CFH: variants seen among roughly 807,000 people sequenced by gnomAD.
CFH encodes H factor 1 (complement).
Under a neutral mutation model 147.3 loss-of-function variants are expected in CFH, and 53 were observed. The observed-to-expected ratio is 0.36, with a 90% CI of 0.29 to 0.45. The LOEUF (loss-of-function observed/expected upper bound fraction) is 0.45, where lower values mean the gene tolerates loss of function less well. Ranked by LOEUF, CFH falls within the 20% of genes least tolerant of loss-of-function variation. The pLI is 1.00. For synonymous variants in CFH, 536 were observed against 489.4 expected, an observed-to-expected ratio of 1.10 and a Z score of -1.26; for missense variants, 1,380 against 1,498.0, an observed-to-expected ratio of 0.92 and a Z score of 1.30.
intron 9 of CFH, among the ~76,000 whole-genome samples, chr1:196,698,672 T>A (rs1668360124): frequency 6.6e-6 from 1 of 152,116 alleles, no homozygotes; most frequent in Admixed American, 6.6e-5. Context: ...ACCATTCCTT[T>A]GGAAACTATT....
At chr1:196,698,122 A>T (rs7539005) in intron 9 of CFH, among the ~76,000 whole-genome samples, 98,141 of 151,794 alleles carry the variant, frequency 0.65, 32,176 homozygotes, top group East Asian at 0.95. Flanking sequence ...ACCTGCACGT[A>T]GTGCACATGT....
At chr1:196,735,919 C>T (rs1055244816) in intron 15 of CFH, among the ~76,000 whole-genome samples, 1 of 151,956 alleles carries the variant, frequency 6.6e-6, no homozygotes, top group Non-Finnish European at 1.5e-5. Context: ...CACTTAAAAT[C>T]ATTGCCATGA....
intron 4 of CFH, 142 bp from the exon 5 acceptor site, chr1:196,677,334 C>A: frequency 2.8e-6 from 2 of 708,798 alleles, no homozygotes; most frequent in South Asian, 1.8e-5. Flanking sequence ...GTATCTCTAG[C>A]AAACAGGTAT....
Position 196,726,749 on chromosome 1 carries a change from A to G in CFH, c.2057-12A>G. ...GTTTTCACAATAAACTTTTTTTGTA[A>G]AATTTACATAGTGGAGGAGAGTACC... On this transcript the variant is annotated splice_polypyrimidine_tract_variant and intron_variant, in intron 13 of 21. Transcript: ENST00000367429. 6.2e-7 allele frequency: 1 copy of G among 1,613,648 alleles called. No homozygotes were observed. Among genetic ancestry groups the G allele is most frequent in the Non-Finnish European group, 8.5e-7 (1 of 1,179,702 alleles).
At chr1:196,737,439 T>A in intron 16 of CFH, 36 bp from the exon 17 acceptor site, 2 of 1,414,626 alleles carry the variant, frequency 1.4e-6, no homozygotes, top group African/African-American at 1.4e-5. Context: ...AGTATTTTAT[T>A]TGTTTTTAAC....
In CFH at chr1:196,689,408, T is replaced by G. The variant is rs1209054258; in HGVS notation, c.965-12T>G. On this transcript the variant is annotated splice_polypyrimidine_tract_variant and intron_variant, in intron 7 of 21. Transcript: ENST00000367429. ...AATTTCTTTATACTTTTTTTAAAAT[T>G]TTTATTGCAAGTGAAACCTTGTGAT... 1 of 1,610,718 alleles carries G rather than the reference T, an allele frequency of 6.2e-7. No homozygotes were observed. The highest frequency in any genetic ancestry group is 2.2e-5 in the East Asian group (1 of 44,702).
rs763773248 is a variant in CFH at position 196,673,845 on chromosome 1, T to C, written c.245-12T>C. 1.9e-6 allele frequency: 3 copies of C among 1,573,450 alleles called. No individual in the cohort carries two copies. Among genetic ancestry groups the C allele is most frequent in the Non-Finnish European group, 2.6e-6 (3 of 1,143,258 alleles). On this transcript the variant is annotated splice_polypyrimidine_tract_variant and intron_variant, in intron 2 of 21. Transcript: ENST00000367429. ...ATTACATACTAATTCATAACTTTTT[T>C]TTTCGTTTTAGAAAGGCCCTGTGGA...
At chr1:196,706,998 T>C (rs1668605862) in intron 9 of CFH, among the ~76,000 whole-genome samples, 1 of 152,160 alleles carries the variant, frequency 6.6e-6, no homozygotes, top group African/African-American at 2.4e-5. Context: ...GTAGAGAAGA[T>C]TACCCTCAGG....
At chr1:196,720,493 T>A (rs1312779172) in intron 11 of CFH, among the ~76,000 whole-genome samples, 1 of 152,024 alleles carries the variant, frequency 6.6e-6, no homozygotes, top group African/African-American at 2.4e-5. Context: ...TGTCCATATG[T>A]ACGCATTATT....
intron 10 of CFH, among the ~76,000 whole-genome samples, chr1:196,714,668 T>TATATATAGAGAGAGAGAGAG (rs1362376856): frequency 9.4e-5 from 2 of 21,306 alleles, no homozygotes; most frequent in Non-Finnish European, 1.7e-4. Flanking sequence ...TATATATATA[T>TATATATAGAGAGAGAGAGAG]AGAGAGAGAG....
intron 9 of CFH, among the ~76,000 whole-genome samples, chr1:196,703,785 C>G (rs1006156899): frequency 1.5e-4 from 23 of 151,850 alleles, no homozygotes; most frequent in Non-Finnish European, 2.5e-4. Flanking sequence ...GAGATCGAGA[C>G]CATCCTGGCT....
At chr1:196,714,658 TATATATATATAGAGAGAGAGAG>T (rs1294185180) in intron 10 of CFH, among the ~76,000 whole-genome samples, 34 of 47,476 alleles carry the variant, frequency 7.2e-4, no homozygotes, top group East Asian at 3.3e-3. Flanking sequence ...TATATATATA[TATATATATATAGAGAGAGAGAG>T]AGAGAGAGAG....
intron 1 of CFH, among the ~76,000 whole-genome samples, chr1:196,658,024 A>G (rs1263695309): frequency 6.6e-6 from 1 of 152,140 alleles, no homozygotes; most frequent in African/African-American, 2.4e-5. Context: ...ATAAGTAATT[A>G]GCTTGGTGTT....
intron 18 of CFH, chr1:196,741,665 T>C (rs1437533410): frequency 3.6e-6 from 2 of 551,216 alleles, no homozygotes; most frequent in Non-Finnish European, 6.4e-6. Flanking sequence ...TTCAGTCTTC[T>C]AATATCATTT....
Position 196,740,704 on chromosome 1 carries a change from G to A in CFH, c.2868G>A (p.Thr956=), listed in dbSNP as rs533238588. 3.0e-5 allele frequency: 48 copies of A among 1,613,816 alleles called. 1 individual carries two copies. Among genetic ancestry groups the A allele is most frequent in the South Asian group, 2.6e-4 (24 of 91,078 alleles). ...GTTATCAGTATGGAGAAGAAGTTAC[G>A]TACAAATGTTTTGAAGGTTTTGGAA... The part of the protein sequence containing the change: ...SDSYQYGEEV[T]YKCFEGFGID... The change falls in exon 18 of 22, where the codon ACG becomes ACA. Residue 956 remains threonine (T), a synonymous_variant. Transcript: ENST00000367429.
Position 196,675,469 on chromosome 1 carries a change from A to G in CFH, c.351-520A>G, listed in dbSNP as rs541742425. ...ATGTAGAAACCCTAAGGTGTTCAGA[A>G]AATATCAGAATCATGGAGGACAGAA... is the stretch of plus-strand genomic sequence containing the variant. On this transcript the variant is annotated intron_variant, in intron 3 of 21. Coordinates refer to ENST00000367429, the MANE Select transcript of CFH (RefSeq NM_000186.4). 7.2e-5 allele frequency among the ~76,000 whole-genome samples: 11 copies of G among 152,236 alleles called. No individual in the cohort carries two copies. The East Asian group carries it at 2.1e-3, about 29-fold the overall frequency.
chr1:196,702,157 C>T (rs1169474503), intron 9 of CFH, among the ~76,000 whole-genome samples: 1 of 152,014 alleles, frequency 6.6e-6, no homozygotes, highest in Admixed American at 6.6e-5. Context: ...TATGACTCAC[C>T]CCCCTCCACT....
chr1:196,730,924 T>C (rs1322507092), intron 15 of CFH, among the ~76,000 whole-genome samples: 2 of 151,890 alleles, frequency 1.3e-5, no homozygotes, highest in Non-Finnish European at 2.9e-5. Flanking sequence ...TTTATTTTTA[T>C]AGGTTTTTTT....
intron 18 of CFH, chr1:196,741,111 A>G (rs1652795742): frequency 5.8e-6 from 2 of 345,440 alleles, no homozygotes; most frequent in Non-Finnish European, 1.1e-5. Context: ...GTTTATCAAC[A>G]ATCTGCCTAT....
Sources: gnomAD v4.1 joint callset for allele counts (sites outside exome capture counted in the v4.1 genomes callset) on GRCh38, gnomAD v4.1.1 for gene constraint, MANE v1.5 for transcripts, NCBI Gene and HGNC (gene_info 2026-07-23, HGNC 2026-07-21) for gene names.